Variants in XPC observed in about 807,000 individuals in gnomAD.
XPC encodes the protein XPC complex subunit, DNA damage recognition and repair factor.
A neutral mutation model predicts 95.8 loss-of-function variants in XPC; 76 were observed. The ratio of observed to expected loss-of-function variants is 0.79; its 90% CI spans 0.66 to 0.96. The LOEUF is 0.96. Among genes scored for constraint, XPC ranks in the 40% least tolerant of loss-of-function variants. The probability of loss-of-function intolerance (pLI) is 0.00; values close to 1 mark genes in which losing one functional copy is unlikely to be tolerated. For missense variants in XPC, 1,146 were observed against 1,179.8 expected (o/e 0.97, Z 0.42); for synonymous variants, 442 against 442.1 (o/e 1.00, Z 0.00).
Position 14,146,003 on chromosome 3 carries a change from T to C in XPC, c.2761A>G (p.Lys921Glu). The change falls in exon 16 of 16, where the codon AAG becomes GAG. Residue 921 changes from lysine (K) to glutamate (E), a missense_variant. Coordinates refer to ENST00000285021, the MANE Select transcript of XPC (RefSeq NM_004628.5). The part of the protein sequence containing the change: ...EEKQKLKGGP[K>E]KTKREKKAAA... Reference sequence around the variant, plus strand: ...GCTTTCTTTTCCCTTTTGGTCTTCTTGGGCCCACCCTTCAGCTTCTGCTTT... The same window carrying C: ...GCTTTCTTTTCCCTTTTGGTCTTCTCGGGCCCACCCTTCAGCTTCTGCTTT... The C allele has an allele frequency of 1.9e-6, 3 of 1,611,636 alleles. No individual in the cohort carries two copies. Among genetic ancestry groups the C allele is most frequent in the Non-Finnish European group, 2.5e-6 (3 of 1,178,438 alleles).
chr3:14,153,677 T>G (rs1347750558), intron 10 of XPC, among the ~76,000 whole-genome samples: 1 of 152,214 alleles, frequency 6.6e-6, no homozygotes, highest in Non-Finnish European at 1.5e-5. Flanking sequence ...TTAGGTATAT[T>G]AAATGCATTC....
At chr3:14,177,886 T>A in intron 1 of XPC, among the ~76,000 whole-genome samples, 1 of 152,092 alleles carries the variant, frequency 6.6e-6, no homozygotes, top group East Asian at 1.9e-4. Flanking sequence ...CTGGACTTGC[T>A]GACGGACTGG....
intron 7 of XPC, 135 bp from the exon 8 acceptor site, chr3:14,159,965 G>A (rs890594537): frequency 1.9e-5 from 14 of 743,538 alleles, no homozygotes; most frequent in African/African-American, 5.4e-5. Context: ...AGTAGGCGAC[G>A]GAAACTCCAG....
At chr3:14,170,359 A>T in intron 3 of XPC, 79 bp downstream of exon 3, 1 of 1,323,706 alleles carries the variant, frequency 7.6e-7, no homozygotes, top group Non-Finnish European at 1.1e-6. Flanking sequence ...GATTGCAATT[A>T]GTGATCTGAC....
Position 14,145,788 on chromosome 3 carries a change from G to T in XPC, c.*153C>A, listed in dbSNP as rs781292665. 2.1e-6 allele frequency: 2 copies of T among 946,758 alleles called. No homozygotes were observed. Among genetic ancestry groups the T allele is most frequent in the South Asian group, 2.8e-5 (2 of 71,954 alleles). 58.6% of individuals were successfully genotyped at this position (946,758 alleles called of 1,614,324 possible). On this transcript the variant is annotated 3_prime_UTR_variant, in exon 16 of 16. Coordinates refer to ENST00000285021, the MANE Select transcript of XPC (RefSeq NM_004628.5). ...TGCAGCACCTCCTCAGCTTGGCCTC[G>T]TCTCCCCTGACCCCGCCTCCGTGCA...
rs199527751 is a variant in XPC at position 14,146,042 on chromosome 3, G to C, written c.2722C>G (p.Arg908Gly). The C allele has an allele frequency of 3.0e-5, 48 of 1,612,676 alleles. No individual in the cohort carries two copies. The highest frequency in any genetic ancestry group is 4.0e-5 in the Non-Finnish European group (47 of 1,179,428). ...AGCTTCTGCTTTTCTTCATCTTCTCGGTTTTGAGGCCAGGAGGCAGCCAGT... is the reference window on the plus strand; with the variant it reads ...AGCTTCTGCTTTTCTTCATCTTCTCCGTTTTGAGGCCAGGAGGCAGCCAGT... ...RILAASWPQN[R>G]EDEEKQKLKG... The change falls in exon 16 of 16, where the codon CGA becomes GGA. Residue 908 changes from arginine (R) to glycine (G), a missense_variant. Transcript: ENST00000285021.
intron 15 of XPC, 78 bp downstream of exon 15, chr3:14,147,212 C>G: frequency 6.9e-7 from 1 of 1,455,370 alleles, no homozygotes; most frequent in East Asian, 2.5e-5. Context: ...GGGGCAGAAT[C>G]TGGGCCAGGC....
In XPC at chr3:14,145,951, T is replaced by G. The variant is rs761106780; in HGVS notation, c.2813A>C (p.Glu938Ala). The G allele has an allele frequency of 1.9e-6, 3 of 1,605,132 alleles. No homozygotes were observed. In the South Asian group the frequency reaches 3.3e-5, roughly 18 times the overall value. Reference sequence around the variant, plus strand: ...TAGTGGGCGCTCAGCTCACAGCTGCTCAAATGGGAACAGGTGGGAAGCTGC... The same window carrying G: ...TAGTGGGCGCTCAGCTCACAGCTGCGCAAATGGGAACAGGTGGGAAGCTGC... ...KAAASHLFPFEQL is the reference protein window; with the variant it reads ...KAAASHLFPFAQL Residue 938 changes from glutamate to alanine, a missense_variant, in exon 16 of 16, where the codon GAG (glutamate) becomes GCG (alanine). By Grantham distance (107) the Glu-to-Ala change is moderately radical. Coordinates refer to ENST00000285021, the MANE Select transcript of XPC (RefSeq NM_004628.5).
intron 10 of XPC, among the ~76,000 whole-genome samples, chr3:14,154,669 G>A (rs951725241): frequency 6.6e-6 from 1 of 152,066 alleles, no homozygotes; most frequent in East Asian, 1.9e-4. Context: ...TGATGGGGAC[G>A]GAGTTTTGGT....
Position 14,147,293 on chromosome 3 carries a change from G to T in XPC, c.2601C>A (p.Pro867=). The change falls in exon 15 of 16, where the codon CCC becomes CCA. Residue 867 remains proline, a synonymous_variant. Coordinates refer to ENST00000285021, the MANE Select transcript of XPC (RefSeq NM_004628.5). ...TCTGCAAAGAACCTGCACTGACCTT[G>T]GGCCCGTAGCGACGCTTCAGCCTCT... ...IRERLKRRYG[P]KSEAAAPHTD... 1 of 1,609,032 alleles carries T rather than the reference G, an allele frequency of 6.2e-7. No homozygotes were observed. Among genetic ancestry groups the T allele is most frequent in the East Asian group, 2.2e-5 (1 of 44,760 alleles).
chr3:14,168,190 T>C (rs1696461550), intron 4 of XPC, 67 bp downstream of exon 4: 1 of 1,520,574 alleles, frequency 6.6e-7, no homozygotes, highest in Admixed American at 2.4e-5. Flanking sequence ...TTCTCCAAAG[T>C]CCTCCTAAGC....
At chr3:14,176,104 AAAT>A (rs1696805043) in intron 1 of XPC, among the ~76,000 whole-genome samples, 1 of 152,240 alleles carries the variant, frequency 6.6e-6, no homozygotes, top group Non-Finnish European at 1.5e-5. Context: ...TTCACAGAGG[AAAT>A]TCAGAAGGGC....
chr3:14,163,145 T>C (rs989088204), intron 7 of XPC, among the ~76,000 whole-genome samples: 3 of 152,222 alleles, frequency 2.0e-5, no homozygotes, highest in Admixed American at 6.5e-5. Flanking sequence ...TCCTCGTTCA[T>C]TGCTGGTGGC....
In XPC at chr3:14,172,919, C is replaced by T. The variant is rs571061535; in HGVS notation, c.247G>A (p.Glu83Lys). The T allele has an allele frequency of 6.2e-7, 1 of 1,613,988 alleles. No individual in the cohort carries two copies. The highest frequency in any genetic ancestry group is 8.5e-7 in the Non-Finnish European group (1 of 1,179,868). ...TCATCCTTTATAACCTTGAGGTTTT[C>T]AGATTTAACAGTCACCTTGGCCACT... ...KKVAKVTVKS[E>K]NLKVIKDEAL... Residue 83 changes from glutamate to lysine, a missense_variant, in exon 2 of 16, where the codon GAA becomes AAA. By Grantham distance (56) the Glu-to-Lys change is moderately conservative. Coordinates refer to ENST00000285021, the MANE Select transcript of XPC (RefSeq NM_004628.5).
chr3:14,164,028 G>A (rs992423970), intron 7 of XPC, among the ~76,000 whole-genome samples: 3 of 152,152 alleles, frequency 2.0e-5, no homozygotes, highest in Admixed American at 6.5e-5. Context: ...CAGCCTAGGC[G>A]GCAGAGAGAG....
At chr3:14,168,603 A>G (rs1280342092) in intron 3 of XPC, among the ~76,000 whole-genome samples, 2 of 152,032 alleles carry the variant, frequency 1.3e-5, no homozygotes, top group African/African-American at 2.4e-5. Flanking sequence ...CACACAACCC[A>G]GACAGTCTTT....
chr3:14,161,108 A>G (rs537614002), intron 7 of XPC, among the ~76,000 whole-genome samples: 5 of 152,372 alleles, frequency 3.3e-5, no homozygotes, highest in Admixed American at 2.6e-4. Flanking sequence ...ACAAAATCCC[A>G]GAAACATACA....
chr3:14,154,732 A>C (rs1218163233), intron 10 of XPC, among the ~76,000 whole-genome samples: 1 of 152,098 alleles, frequency 6.6e-6, no homozygotes, highest in Non-Finnish European at 1.5e-5. Flanking sequence ...GCTGGATGAC[A>C]GTGTGAATGT....
chr3:14,151,268 C>T (rs1695678384), intron 11 of XPC: 1 of 152,186 alleles, frequency 6.6e-6, no homozygotes, highest in South Asian at 2.1e-4. Context: ...ATCTCATCAA[C>T]ACTTTAAAAT....
Sources: gnomAD v4.1 joint callset for allele counts (sites outside exome capture counted in the v4.1 genomes callset) on GRCh38, gnomAD v4.1.1 for gene constraint, MANE v1.5 for transcripts, NCBI Gene and HGNC (gene_info 2026-07-23, HGNC 2026-07-21) for gene names.